Variants in COL25A1 observed in about 807,000 individuals in gnomAD.
The protein encoded by COL25A1 is collagen alpha-1(XXV) chain.
In COL25A1, 103 loss-of-function variants were observed where a neutral mutation model predicts 128.4. The observed-to-expected ratio is 0.80, with a 90% CI of 0.68 to 0.94. The LOEUF is 0.94. COL25A1 is among the 40% of genes least tolerant of loss of function. The probability of loss-of-function intolerance (pLI) is 0.00; values close to 1 mark genes in which losing one functional copy is unlikely to be tolerated. For missense variants in COL25A1, 745 were observed against 840.0 expected, an observed-to-expected ratio of 0.89 and a Z score of 1.40; for synonymous variants, 279 against 277.2, an observed-to-expected ratio of 1.01 and a Z score of -0.06.
chr4:109,218,925 C>T (rs1778238260), intron 3 of COL25A1, among the ~76,000 whole-genome samples: 1 of 152,184 alleles, frequency 6.6e-6, no homozygotes, highest in South Asian at 2.1e-4. Flanking sequence ...CTCCACAAGG[C>T]TCTTGATGGC....
chr4:108,859,592 A>C, intron 24 of COL25A1, 64 bp downstream of exon 24: 1 of 1,372,048 alleles, frequency 7.3e-7, no homozygotes, highest in Non-Finnish European at 1.0e-6. Context: ...ATATTTGCAC[A>C]CATTACATGG....
intron 3 of COL25A1, among the ~76,000 whole-genome samples, chr4:109,117,015 G>T (rs996609473): frequency 6.6e-6 from 1 of 151,550 alleles, no homozygotes; most frequent in Non-Finnish European, 1.5e-5. Flanking sequence ...TAAGAACTGC[G>T]AGACAACTAC....
intron 35 of COL25A1, among the ~76,000 whole-genome samples, chr4:108,822,093 G>GAGT (rs989091377): frequency 8.0e-6 from 1 of 124,890 alleles, no homozygotes; most frequent in African/African-American, 3.0e-5. Flanking sequence ...GCCCAGGCTG[G>GAGT]AGTGCAATGG....
At position 109,187,200 on chromosome 4, in the gene COL25A1, T is replaced by TACACAC. The variant is rs36159924; in HGVS notation, c.367+113377_367+113382dup. 3.0e-3 allele frequency among the ~76,000 whole-genome samples: 448 copies of TACACAC among 147,916 alleles called. 2 individuals carry two copies. Among genetic ancestry groups the TACACAC allele is most frequent in the African/African-American group, 0.01 (407 of 40,250 alleles). ...TGTGTGTGTGTATTCTCTTGCTCTCTACACACACACACACACACACACACA... is the reference window on the plus strand; with the variant it reads ...TGTGTGTGTGTATTCTCTTGCTCTCTACACACACACACACACACACACACACACACA... On this transcript the variant is annotated intron_variant, in intron 3 of 37. Transcript: ENST00000399132.
At chr4:109,206,797 G>T (rs1347878861) in intron 3 of COL25A1, among the ~76,000 whole-genome samples, 1 of 152,178 alleles carries the variant, frequency 6.6e-6, no homozygotes, top group Non-Finnish European at 1.5e-5. Flanking sequence ...AAGAACCAGG[G>T]TGGGGATGAG....
intron 8 of COL25A1, among the ~76,000 whole-genome samples, chr4:108,972,292 C>A (rs1394318467): frequency 6.6e-6 from 1 of 151,982 alleles, no homozygotes; most frequent in Non-Finnish European, 1.5e-5. Flanking sequence ...AAAAAGAGAG[C>A]CTTTGGTCAT....
At chr4:109,199,938 T>C (rs777008392) in intron 3 of COL25A1, among the ~76,000 whole-genome samples, 6 of 152,210 alleles carry the variant, frequency 3.9e-5, no homozygotes, top group Non-Finnish European at 8.8e-5. Context: ...ATACATGGAC[T>C]GTCAGCAAGA....
rs1482085255 is a variant in COL25A1 at position 108,889,227 on chromosome 4, C to T, written c.969G>A (p.Gly323=). 16 of 1,613,214 alleles carry T rather than the reference C, an allele frequency of 9.9e-6. No individual in the cohort carries two copies. Among genetic ancestry groups the T allele is most frequent in the Non-Finnish European group, 1.2e-5 (14 of 1,179,410 alleles). Residue 323 remains glycine, a synonymous_variant, in exon 18 of 38, where the codon GGG becomes GGA. Coordinates refer to ENST00000399132, the MANE Select transcript of COL25A1 (RefSeq NM_198721.4). Reference sequence around the variant, plus strand: ...CTAGAGATAGAGATATTACCTTTTGCCCTGGACGACCAGATTCCCCAGGTT... The same window carrying T: ...CTAGAGATAGAGATATTACCTTTTGTCCTGGACGACCAGATTCCCCAGGTT... The part of the protein sequence containing the change: ...KGEPGESGRP[G]QKGEPGLPGL...
At chr4:108,972,292 C>T (rs1394318467) in intron 8 of COL25A1, among the ~76,000 whole-genome samples, 1 of 151,982 alleles carries the variant, frequency 6.6e-6, no homozygotes, top group African/African-American at 2.4e-5. Context: ...AAAAAGAGAG[C>T]CTTTGGTCAT....
At chr4:109,246,094 A>G (rs1780250544) in intron 3 of COL25A1, among the ~76,000 whole-genome samples, 1 of 152,044 alleles carries the variant, frequency 6.6e-6, no homozygotes, top group African/African-American at 2.4e-5. Flanking sequence ...AGGGTACCTA[A>G]AGTAGGAAAA....
At chr4:109,179,467 T>A (rs1212463973) in intron 3 of COL25A1, among the ~76,000 whole-genome samples, 1 of 152,384 alleles carries the variant, frequency 6.6e-6, no homozygotes, top group East Asian at 1.9e-4. Context: ...ATTCAATTTT[T>A]TTGGATTTCA....
At chr4:108,945,797 TG>T (rs769119853) in intron 8 of COL25A1, among the ~76,000 whole-genome samples, 1 of 152,104 alleles carries the variant, frequency 6.6e-6, no homozygotes, top group African/African-American at 2.4e-5. Context: ...CCCAGTAGGC[TG>T]GGACTACAGG....
intron 3 of COL25A1, among the ~76,000 whole-genome samples, chr4:109,106,233 C>T (rs1381228420): frequency 1.3e-5 from 2 of 152,172 alleles, no homozygotes; most frequent in African/African-American, 4.8e-5. Context: ...TGACAGTGAC[C>T]TATGACACCA....
intron 16 of COL25A1, among the ~76,000 whole-genome samples, chr4:108,896,104 C>A (rs754823083): frequency 2.6e-5 from 4 of 151,842 alleles, no homozygotes; most frequent in Admixed American, 1.3e-4. Flanking sequence ...AACCACCATG[C>A]CCAGCTAGTT....
intron 3 of COL25A1, among the ~76,000 whole-genome samples, chr4:109,101,355 G>T (rs1297783688): frequency 6.6e-6 from 1 of 152,172 alleles, no homozygotes; most frequent in African/African-American, 2.4e-5. Context: ...GAGAAAAGCT[G>T]CAGTCAGTAG....
chr4:109,123,567 A>G (rs1263297836), intron 3 of COL25A1, among the ~76,000 whole-genome samples: 1 of 124,818 alleles, frequency 8.0e-6, no homozygotes, highest in Non-Finnish European at 1.7e-5. Context: ...CAAACCATAA[A>G]GTAAACTGAA....
intron 3 of COL25A1, among the ~76,000 whole-genome samples, chr4:109,143,451 T>C (rs974228594): frequency 2.0e-5 from 3 of 152,216 alleles, no homozygotes; most frequent in Non-Finnish European, 4.4e-5. Flanking sequence ...AATGTTGGCA[T>C]GTCTTGCTAG....
intron 8 of COL25A1, among the ~76,000 whole-genome samples, chr4:108,962,720 GTTA>G (rs1012896667): frequency 3.0e-4 from 25 of 84,416 alleles, no homozygotes; most frequent in South Asian, 5.8e-4. Flanking sequence ...CAACAGTATT[GTTA>G]TTATTATTAT....
At chr4:108,839,969 C>A (rs1307353605) in intron 31 of COL25A1, among the ~76,000 whole-genome samples, 1 of 151,984 alleles carries the variant, frequency 6.6e-6, no homozygotes, top group African/African-American at 2.4e-5. Context: ...GGGCCGGGCG[C>A]AGTGGCTCAT....
Sources: allele counts gnomAD v4.1 joint callset (sites outside exome capture counted in the v4.1 genomes callset), GRCh38; gene constraint gnomAD v4.1.1; transcripts MANE v1.5; gene names NCBI Gene and HGNC (gene_info 2026-07-23, HGNC 2026-07-21).